The following MALRD1 variants were observed in gnomAD, a reference collection of about 807,000 sequenced individuals.
The protein encoded by MALRD1 is MAM and LDL-receptor class A domain-containing protein 1.
MALRD1 carries 247 observed loss-of-function variants against 242.1 expected under a neutral mutation model. The ratio of observed to expected loss-of-function variants is 1.02; its 90% CI spans 0.92 to 1.13. MALRD1 has a LOEUF of 1.13. Among genes scored for constraint, MALRD1 ranks in the 50% most tolerant of loss-of-function variants. The pLI is 0.00. For synonymous variants in MALRD1, 995 were observed against 866.6 expected, an observed-to-expected ratio of 1.15 and a Z score of -2.60; for missense variants, 2,989 against 2,533.1, an observed-to-expected ratio of 1.18 and a Z score of -3.86.
chr10:19,143,766 T>C (rs147636087), intron 10 of MALRD1, among the ~76,000 whole-genome samples: 34 of 152,328 alleles, frequency 2.2e-4, no homozygotes, highest in African/African-American at 7.9e-4. Context: ...ATATGTACTT[T>C]GAGTCTTAAA....
intron 19 of MALRD1, among the ~76,000 whole-genome samples, chr10:19,267,873 T>A (rs1840032159): frequency 6.6e-6 from 1 of 152,134 alleles, no homozygotes; most frequent in African/African-American, 2.4e-5. Flanking sequence ...TGGTTTTAGC[T>A]TCTTTGGTGT....
chr10:19,129,480 C>T (rs1005432361), intron 8 of MALRD1, among the ~76,000 whole-genome samples: 4 of 151,988 alleles, frequency 2.6e-5, no homozygotes, highest in African/African-American at 9.7e-5. Flanking sequence ...TCTCTGAAAC[C>T]TGTACTTCAG....
chr10:19,568,241 C>G lies in MALRD1; in HGVS notation c.5680+538C>G, dbSNP rs149739997. The stretch of plus-strand genomic sequence containing the variant: ...TTTCTACTGTTTAAGATGTTCCCCC[C>G]CTAAGTGGGGCTGTTTGTTCCCTTA... On this transcript the variant is annotated intron_variant, in intron 33 of 39. Transcript: ENST00000454679. 7.0e-3 allele frequency among the ~76,000 whole-genome samples: 1,071 copies of G among 152,276 alleles called. 6 individuals carry two copies. Among genetic ancestry groups the G allele is most frequent in the Non-Finnish European group, 0.012 (793 of 68,012 alleles).
chr10:19,208,845 A>G (rs1836907108), intron 17 of MALRD1, among the ~76,000 whole-genome samples: 1 of 152,116 alleles, frequency 6.6e-6, no homozygotes, highest in Non-Finnish European at 1.5e-5. Context: ...ACCTCTGGAG[A>G]TGAATTCTGG....
At chr10:19,215,732 T>TTG (rs1564473180) in intron 18 of MALRD1, among the ~76,000 whole-genome samples, 9 of 115,284 alleles carry the variant, frequency 7.8e-5, no homozygotes, top group South Asian at 2.3e-4. Context: ...TTAGTATAAA[T>TTG]AATTTAGTAT....
chr10:19,156,663 G>T (rs1055877558), intron 12 of MALRD1, among the ~76,000 whole-genome samples: 3 of 152,088 alleles, frequency 2.0e-5, no homozygotes, highest in African/African-American at 7.2e-5. Flanking sequence ...GAGTGTATTA[G>T]AAATTCCTAT....
intron 19 of MALRD1, among the ~76,000 whole-genome samples, chr10:19,262,967 T>C (rs965870861): frequency 6.6e-6 from 1 of 152,148 alleles, no homozygotes; most frequent in East Asian, 1.9e-4. Context: ...GATTTCTTGA[T>C]TTTTTTAAAG....
chr10:19,345,794 A>T (rs927800316), intron 24 of MALRD1, among the ~76,000 whole-genome samples: 1 of 151,998 alleles, frequency 6.6e-6, no homozygotes, highest in African/African-American at 2.4e-5. Flanking sequence ...ACAGCTAAAA[A>T]TGATTATTTT....
intron 29 of MALRD1, among the ~76,000 whole-genome samples, chr10:19,474,406 T>G (rs1348237196): frequency 6.6e-6 from 1 of 152,098 alleles, no homozygotes; most frequent in African/African-American, 2.4e-5. Flanking sequence ...AAAAATCTCT[T>G]TATCAAATAG....
chr10:19,270,462 T>C (rs1840175437), intron 19 of MALRD1, among the ~76,000 whole-genome samples: 1 of 151,768 alleles, frequency 6.6e-6, no homozygotes, highest in South Asian at 2.1e-4. Flanking sequence ...AACTATAACA[T>C]AGCGTGCATT....
At chr10:19,513,896 T>C (rs1038654542) in intron 31 of MALRD1, among the ~76,000 whole-genome samples, 3 of 152,206 alleles carry the variant, frequency 2.0e-5, no homozygotes, top group Non-Finnish European at 4.4e-5. Context: ...ATTCTTGTTC[T>C]ACTAGATATT....
chr10:19,079,073 T>C (rs766712600), intron 2 of MALRD1, among the ~76,000 whole-genome samples: 1 of 151,544 alleles, frequency 6.6e-6, no homozygotes, highest in East Asian at 1.9e-4. Flanking sequence ...TTTAGCTTCT[T>C]ATTATTAATG....
intron 36 of MALRD1, among the ~76,000 whole-genome samples, chr10:19,683,835 T>G (rs1842470218): frequency 6.6e-6 from 1 of 152,186 alleles, no homozygotes; most frequent in Non-Finnish European, 1.5e-5. Context: ...TAGGTATACA[T>G]GTGCTGTGGT....
intron 18 of MALRD1, among the ~76,000 whole-genome samples, chr10:19,233,509 A>G (rs1357047789): frequency 6.6e-6 from 1 of 152,140 alleles, no homozygotes; most frequent in African/African-American, 2.4e-5. Context: ...TGTCAAAAAC[A>G]AACAAACAAA....
At chr10:19,627,949 T>A (rs1372657001) in intron 36 of MALRD1, among the ~76,000 whole-genome samples, 4 of 151,824 alleles carry the variant, frequency 2.6e-5, no homozygotes, top group Non-Finnish European at 4.4e-5. Context: ...AACACACATC[T>A]GAAAAAAATT....
intron 29 of MALRD1, among the ~76,000 whole-genome samples, chr10:19,456,180 T>G (rs1465384376): frequency 6.6e-6 from 1 of 152,022 alleles, no homozygotes; most frequent in African/African-American, 2.4e-5. Context: ...CATTCATACA[T>G]AGCAAAACAC....
intron 21 of MALRD1, among the ~76,000 whole-genome samples, chr10:19,312,031 C>T (rs955796469): frequency 3.3e-5 from 5 of 151,250 alleles, no homozygotes; most frequent in South Asian, 2.1e-4. Context: ...TATAAATAAC[C>T]GATAAAGGCA....
At chr10:19,718,959 G>A (rs1256257904) in intron 38 of MALRD1, among the ~76,000 whole-genome samples, 1 of 151,042 alleles carries the variant, frequency 6.6e-6, no homozygotes, top group Non-Finnish European at 1.5e-5. Context: ...TTGAGTCTTG[G>A]AGCTCGAGGC....
chr10:19,362,059 T>C (rs556994067), intron 26 of MALRD1, among the ~76,000 whole-genome samples: 1 of 152,264 alleles, frequency 6.6e-6, no homozygotes, highest in African/African-American at 2.4e-5. Context: ...GATTTTTGCC[T>C]GCGTCAGCTT....
Sources: allele counts gnomAD v4.1 joint callset (sites outside exome capture counted in the v4.1 genomes callset), GRCh38; gene constraint gnomAD v4.1.1; transcripts MANE v1.5; gene names NCBI Gene and HGNC (gene_info 2026-07-23, HGNC 2026-07-21).